Variants in SH3RF2 observed in about 807,000 individuals in gnomAD.
The protein encoded by SH3RF2 is SH3 domain containing ring finger 2.
SH3RF2 carries 43 observed loss-of-function variants against 59.0 expected under a neutral mutation model. The observed-to-expected ratio is 0.73, with a 90% CI of 0.57 to 0.94. The LOEUF (loss-of-function observed/expected upper bound fraction) is 0.94, where lower values mean the gene tolerates loss of function less well. Among genes scored for constraint, SH3RF2 ranks in the 40% least tolerant of loss-of-function variants. SH3RF2 has a pLI of 0.00. For synonymous variants in SH3RF2, 391 were observed against 391.5 expected (o/e 1.00, Z 0.01); for missense variants, 930 against 940.1 (o/e 0.99, Z 0.14).
intron 5 of SH3RF2, among the ~76,000 whole-genome samples, chr5:146,021,504 T>A (rs892907336): frequency 7.2e-5 from 11 of 152,196 alleles, no homozygotes; most frequent in African/African-American, 2.7e-4. Flanking sequence ...CTCCAATTGC[T>A]CTGTCCCATA....
intron 2 of SH3RF2, among the ~76,000 whole-genome samples, chr5:145,962,890 T>A (rs1758684931): frequency 9.5e-6 from 1 of 104,996 alleles, no homozygotes; most frequent in South Asian, 3.8e-4. Context: ...TTATTCCACT[T>A]TTTTTTTTTT....
At chr5:146,028,209 C>CACAGAGAG (rs1491332228) in intron 5 of SH3RF2, among the ~76,000 whole-genome samples, 2 of 128,938 alleles carry the variant, frequency 1.6e-5, no homozygotes, top group African/African-American at 5.6e-5. Flanking sequence ...CACACACACA[C>CACAGAGAG]AGAGATAATT....
intron 2 of SH3RF2, among the ~76,000 whole-genome samples, chr5:145,991,532 A>G (rs560310504): frequency 1.3e-5 from 2 of 152,328 alleles, no homozygotes; most frequent in South Asian, 2.1e-4. Flanking sequence ...GAGTATGAAC[A>G]TAGAAATGAG....
chr5:146,032,765 T>C (rs995213029), intron 5 of SH3RF2, among the ~76,000 whole-genome samples: 4 of 152,242 alleles, frequency 2.6e-5, no homozygotes, highest in African/African-American at 9.6e-5. Flanking sequence ...CAGAAATGAC[T>C]GGGAAATCTC....
At chr5:145,990,192 C>A (rs1392805337) in intron 2 of SH3RF2, among the ~76,000 whole-genome samples, 1 of 152,178 alleles carries the variant, frequency 6.6e-6, no homozygotes, top group Non-Finnish European at 1.5e-5. Flanking sequence ...ACCTATCTAG[C>A]TTGCTATATC....
chr5:146,009,783 G>A (rs1760799668), intron 4 of SH3RF2, among the ~76,000 whole-genome samples: 1 of 152,118 alleles, frequency 6.6e-6, no homozygotes, highest in Admixed American at 6.6e-5. Context: ...TAAGCTTCTT[G>A]AAGCAAGAAC....
chr5:145,938,602 T>C (rs1303010187), intron 2 of SH3RF2, among the ~76,000 whole-genome samples: 1 of 152,242 alleles, frequency 6.6e-6, no homozygotes, highest in Non-Finnish European at 1.5e-5. Flanking sequence ...GTGTTTCACT[T>C]CTGCTGTTCT....
downstream of SH3RF2, among the ~76,000 whole-genome samples, chr5:146,064,855 AGAAAGAAAG>A (rs1763060565): frequency 2.5e-4 from 6 of 24,172 alleles, no homozygotes; most frequent in Admixed American, 2.8e-3. Context: ...AAAGAAAGAA[AGAAAGAAAG>A]AGAAAGAAAA....
At chr5:145,937,305 G>A (rs1343448279) in intron 1 of SH3RF2, among the ~76,000 whole-genome samples, 2 of 152,190 alleles carry the variant, frequency 1.3e-5, no homozygotes, top group Non-Finnish European at 2.9e-5. Context: ...ATGTGGGAAG[G>A]TATATTGTGA....
chr5:146,059,028 T>C (rs906827714), intron 8 of SH3RF2, among the ~76,000 whole-genome samples: 13 of 152,186 alleles, frequency 8.5e-5, no homozygotes, highest in African/African-American at 1.9e-4. Flanking sequence ...ACTATCCTGA[T>C]ACTTTGCACA....
intron 7 of SH3RF2, among the ~76,000 whole-genome samples, chr5:146,054,036 C>T (rs1034423158): frequency 6.6e-6 from 1 of 152,184 alleles, no homozygotes; most frequent in Admixed American, 6.5e-5. Context: ...ACTCTTCCCA[C>T]CTAAGCCCAG....
intron 9 of SH3RF2, among the ~76,000 whole-genome samples, chr5:146,076,637 TTA>T (rs1763346958): frequency 2.0e-5 from 3 of 152,232 alleles, no homozygotes; most frequent in Non-Finnish European, 2.9e-5. Context: ...CTGACAGCTC[TTA>T]CTTGCTGTTG....
intron 4 of SH3RF2, among the ~76,000 whole-genome samples, chr5:146,011,485 C>G (rs1760895346): frequency 6.6e-6 from 1 of 152,164 alleles, no homozygotes; most frequent in Admixed American, 6.5e-5. Flanking sequence ...TGGCCGTTTT[C>G]ACAATATTGA....
At position 145,986,926 on chromosome 5, in the gene SH3RF2, A is replaced by G. The variant is rs72818447; in HGVS notation, c.379-13132A>G. 4.1e-3 allele frequency among the ~76,000 whole-genome samples: 618 copies of G among 152,306 alleles called. 2 individuals carry two copies. The highest frequency in any genetic ancestry group is 5.8e-3 in the South Asian group (28 of 4,818). ...CTTTTCCCTGCTGCAGAACCCTGGA[A>G]CTGATGAAGGAGGGACCAGGAGATA... On this transcript the variant is annotated intron_variant, in intron 2 of 9. Coordinates refer to ENST00000359120, the MANE Select transcript of SH3RF2 (RefSeq NM_152550.4).
intron 7 of SH3RF2, among the ~76,000 whole-genome samples, chr5:146,053,519 T>A (rs879261329): frequency 6.6e-6 from 1 of 152,022 alleles, no homozygotes; most frequent in Non-Finnish European, 1.5e-5. Context: ...TCTCAGCCAA[T>A]ATGACATTCC....
intron 4 of SH3RF2, among the ~76,000 whole-genome samples, chr5:146,010,878 A>G (rs1267276480): frequency 4.6e-5 from 7 of 152,112 alleles, no homozygotes; most frequent in Non-Finnish European, 1.0e-4. Flanking sequence ...AAGCTCTTTC[A>G]TTTAATTAGA....
chr5:146,023,212 T>G (rs1761396286), intron 5 of SH3RF2, among the ~76,000 whole-genome samples: 1 of 152,080 alleles, frequency 6.6e-6, no homozygotes, highest in Admixed American at 6.5e-5. Flanking sequence ...TTTTCTTTTT[T>G]CTTTTTTCTT....
At chr5:146,008,304 C>T (rs937159095) in intron 4 of SH3RF2, among the ~76,000 whole-genome samples, 2 of 152,166 alleles carry the variant, frequency 1.3e-5, no homozygotes, top group African/African-American at 4.8e-5. Context: ...CAGAGTCTCC[C>T]GGAGCCCTGT....
At chr5:146,052,384 C>T (rs1271545582) in intron 7 of SH3RF2, among the ~76,000 whole-genome samples, 1 of 152,154 alleles carries the variant, frequency 6.6e-6, no homozygotes, top group Non-Finnish European at 1.5e-5. Context: ...AGCATCTCTA[C>T]TCACCCCTTC....
Sources: allele counts gnomAD v4.1 joint callset (sites outside exome capture counted in the v4.1 genomes callset), GRCh38; gene constraint gnomAD v4.1.1; transcripts MANE v1.5; gene names NCBI Gene and HGNC (gene_info 2026-07-23, HGNC 2026-07-21).